Variants in SPTLC1 observed in about 807,000 individuals in gnomAD.
SPTLC1 encodes the protein serine palmitoyltransferase long chain base subunit 1, also known as serine palmitoyltransferase 1.
A neutral mutation model predicts 68.9 loss-of-function variants in SPTLC1; 55 were observed. The observed-to-expected ratio is 0.80, with a 90% CI of 0.64 to 1.00. SPTLC1 has a LOEUF of 1.00. Ranked by LOEUF, SPTLC1 falls within the 50% of genes least tolerant of loss-of-function variation. SPTLC1 has a pLI of 0.00. For missense variants in SPTLC1, 449 were observed against 573.1 expected (o/e 0.78, Z 2.21); for synonymous variants, 197 against 201.6 (o/e 0.98, Z 0.19).
At chr9:92,062,354 T>C (rs145861883) in intron 6 of SPTLC1, among the ~76,000 whole-genome samples, 41 of 152,164 alleles carry the variant, frequency 2.7e-4, no homozygotes, top group African/African-American at 9.6e-4. Context: ...AAAAGCTAAA[T>C]TTGAGATGCA....
chr9:92,115,063 G>A (rs1192621379), intron 1 of SPTLC1: 2 of 571,272 alleles, frequency 3.5e-6, no homozygotes, highest in Admixed American at 3.0e-5. Flanking sequence ...GTTCCTTTCC[G>A]GAGCTTCCAG....
intron 7 of SPTLC1, 40 bp from the exon 8 acceptor site, chr9:92,055,534 C>T: frequency 6.3e-7 from 1 of 1,597,960 alleles, no homozygotes; most frequent in Non-Finnish European, 8.6e-7. Flanking sequence ...ATTTCAGTAA[C>T]TCTGAAGACA....
At chr9:92,071,030 A>C (rs1455217445) in intron 5 of SPTLC1, among the ~76,000 whole-genome samples, 1 of 151,910 alleles carries the variant, frequency 6.6e-6, no homozygotes, top group Non-Finnish European at 1.5e-5. Context: ...TAGGACGTTT[A>C]GAAACAAACT....
chr9:92,058,212 C>A (rs1833962927), intron 7 of SPTLC1, among the ~76,000 whole-genome samples: 1 of 151,862 alleles, frequency 6.6e-6, no homozygotes, highest in Admixed American at 6.5e-5. Flanking sequence ...CATGCATATT[C>A]ATCATGAGAA....
intron 6 of SPTLC1, among the ~76,000 whole-genome samples, chr9:92,064,934 C>T (rs1834230574): frequency 6.6e-6 from 1 of 152,086 alleles, no homozygotes; most frequent in Non-Finnish European, 1.5e-5. Context: ...TTAGTGGTTG[C>T]CAGGAGTTAA....
chr9:92,055,567 C>G (rs1833860650), intron 7 of SPTLC1, 73 bp from the exon 8 acceptor site: 2 of 1,403,060 alleles, frequency 1.4e-6, no homozygotes, highest in Non-Finnish European at 2.0e-6. Context: ...TATTCCCCAG[C>G]ACTTTCACCT....
chr9:92,066,502 A>G (rs1004530367), intron 6 of SPTLC1, among the ~76,000 whole-genome samples: 2 of 152,148 alleles, frequency 1.3e-5, no homozygotes, highest in Non-Finnish European at 2.9e-5. Flanking sequence ...GTGGGCCCCA[A>G]GGTGAGAGGA....
intron 13 of SPTLC1, among the ~76,000 whole-genome samples, chr9:92,037,377 T>C (rs964728299): frequency 1.3e-5 from 2 of 152,096 alleles, no homozygotes; most frequent in Non-Finnish European, 2.9e-5. Context: ...AAATACATAC[T>C]AGGTATATGT....
At chr9:92,106,639 T>C (rs1259367384) in intron 3 of SPTLC1, among the ~76,000 whole-genome samples, 15 of 152,032 alleles carry the variant, frequency 9.9e-5, no homozygotes, top group South Asian at 2.1e-4. Flanking sequence ...GGGCCCCTCA[T>C]TTTGCCTGTC....
chr9:92,062,796 C>A (rs776999947), intron 6 of SPTLC1, among the ~76,000 whole-genome samples: 8 of 152,120 alleles, frequency 5.3e-5, no homozygotes, highest in Non-Finnish European at 8.8e-5. Flanking sequence ...AATAATGACA[C>A]CCTATTTCTT....
chr9:92,093,190 T>C (rs1035815287), intron 3 of SPTLC1, among the ~76,000 whole-genome samples: 1 of 152,052 alleles, frequency 6.6e-6, no homozygotes, highest in Non-Finnish European at 1.5e-5. Context: ...TACAACATAA[T>C]AAAGAAAAGT....
chr9:92,040,563 G>A (rs1587907070), intron 12 of SPTLC1, among the ~76,000 whole-genome samples: 2 of 151,838 alleles, frequency 1.3e-5, no homozygotes, highest in African/African-American at 4.8e-5. Flanking sequence ...TTCAAGACCA[G>A]CCTGACCAAT....
At chr9:92,058,720 A>T (rs928015139) in intron 7 of SPTLC1, among the ~76,000 whole-genome samples, 1 of 152,196 alleles carries the variant, frequency 6.6e-6, no homozygotes, top group Non-Finnish European at 1.5e-5. Context: ...TGGGGTGGGG[A>T]GAAAGGGCTT....
At chr9:92,080,999 C>T (rs1269750863) in intron 3 of SPTLC1, 36 bp from the exon 4 acceptor site, 9 of 1,483,912 alleles carry the variant, frequency 6.1e-6, no homozygotes, top group Non-Finnish European at 8.5e-6. Flanking sequence ...GTCAATTACA[C>T]ATTCATGTTA....
At chr9:92,086,718 GT>G (rs200523197) in intron 3 of SPTLC1, among the ~76,000 whole-genome samples, 5,127 of 152,080 alleles carry the variant, frequency 0.034, 135 homozygotes, top group South Asian at 0.11. Context: ...ACAATTATGT[GT>G]CTTGGAGTTG....
At chr9:92,081,358 G>GT (rs1214877970) in intron 3 of SPTLC1, among the ~76,000 whole-genome samples, 57 of 152,356 alleles carry the variant, frequency 3.7e-4, no homozygotes, top group African/African-American at 1.4e-3. Flanking sequence ...AATAGGCAGA[G>GT]TGAGTTATGA....
Position 92,038,240 on chromosome 9 carries a change from A to T in SPTLC1, c.1254+8T>A. 6.4e-7 allele frequency: 1 copy of T among 1,573,004 alleles called. No homozygotes were observed. The highest frequency in any genetic ancestry group is 8.7e-7 in the Non-Finnish European group (1 of 1,143,276). ...GTGGGGGGATGCCTCAAGTCAACGG[A>T]TACTTACTTGATCTACAATTTCCTG... On this transcript the variant is annotated splice_region_variant and intron_variant, in intron 13 of 14. Coordinates refer to ENST00000262554, the MANE Select transcript of SPTLC1 (RefSeq NM_006415.4).
rs1189362855 is a variant in SPTLC1, at chr9:92,082,864, A to G, written c.261-1901T>C. On this transcript the variant is annotated intron_variant, in intron 3 of 14. Transcript: ENST00000262554. Reference sequence around the variant, plus strand: ...AGTTTACAGTCCCACCAACAGTGTAAAAGTGTTCCTATTTCTCCACATCCT... The same window carrying G: ...AGTTTACAGTCCCACCAACAGTGTAGAAGTGTTCCTATTTCTCCACATCCT... Among the ~76,000 whole-genome samples, 27 of 151,768 alleles carry G rather than the reference A, an allele frequency of 1.8e-4. No individual in the cohort carries two copies. The East Asian group carries it at 5.2e-3, about 29-fold the overall frequency.
chr9:92,085,218 G>T (rs1485625331), intron 3 of SPTLC1, among the ~76,000 whole-genome samples: 3 of 150,386 alleles, frequency 2.0e-5, no homozygotes, highest in Non-Finnish European at 4.4e-5. Context: ...ATTTTTTGAA[G>T]GGTTTTTTGT....
Sources: gnomAD v4.1 joint callset for allele counts (sites outside exome capture counted in the v4.1 genomes callset) on GRCh38, gnomAD v4.1.1 for gene constraint, MANE v1.5 for transcripts, NCBI Gene and HGNC (gene_info 2026-07-23, HGNC 2026-07-21) for gene names.